PTPRG: variants seen among roughly 807,000 people sequenced by gnomAD.
The protein encoded by PTPRG is receptor-type tyrosine-protein phosphatase gamma.
PTPRG carries 102 observed loss-of-function variants against 165.3 expected under a neutral mutation model. The observed-to-expected ratio is 0.62, with a 90% CI of 0.53 to 0.73. PTPRG has a LOEUF of 0.73. Ranked by LOEUF, PTPRG falls within the 30% of genes least tolerant of loss-of-function variation. The pLI, the probability that PTPRG is intolerant of heterozygous loss-of-function variation, is 0.00. For missense variants in PTPRG, 1,866 were observed against 1,861.4 expected (o/e 1.00, Z -0.05); for synonymous variants, 675 against 669.5 (o/e 1.01, Z -0.13).
At position 62,052,709 on chromosome 3, in the gene PTPRG, G is replaced by T. The variant is rs533067746; in HGVS notation, c.520-25454G>T. On this transcript the variant is annotated intron_variant, in intron 4 of 29. Coordinates refer to ENST00000474889, the MANE Select transcript of PTPRG (RefSeq NM_002841.4). ...ACCTGTCTCTTAAAAAAAAAAGAAA[G>T]AAAAGAAATGGCCTGTCTTTGGAAC... is the stretch of plus-strand genomic sequence containing the variant. Among the ~76,000 whole-genome samples the T allele has an allele frequency of 1.1e-4, 16 of 151,776 alleles. No homozygotes were observed. The South Asian group carries it at 2.3e-3, about 22-fold the overall frequency.
intron 2 of PTPRG, among the ~76,000 whole-genome samples, chr3:61,777,792 A>G (rs1391139079): frequency 6.6e-6 from 1 of 152,198 alleles, no homozygotes; most frequent in Non-Finnish European, 1.5e-5. Context: ...GATAACGTGA[A>G]ACATGGCAGA....
chr3:62,224,138 A>C lies in PTPRG; in HGVS notation c.2288+5155A>C, dbSNP rs1054513230. Among the ~76,000 whole-genome samples the C allele has an allele frequency of 1.3e-5, 2 of 152,128 alleles. No homozygotes were observed. Among genetic ancestry groups the C allele is most frequent in the Non-Finnish European group, 2.9e-5 (2 of 68,022 alleles). ...GTCAATTCCAGAGGAGGACATCCCT[A>C]AATAACTGGGTTAAAGACATGACCC... On this transcript the variant is annotated intron_variant, in intron 13 of 29. Transcript: ENST00000474889. This position sits in a 1 kb window ranked among gnomAD's most constrained non-coding sequence, Gnocchi z 4.9.
intron 1 of PTPRG, 49 bp from the exon 2 acceptor site, chr3:61,748,829 T>C (rs186425453): frequency 6.8e-7 from 1 of 1,469,978 alleles, no homozygotes; most frequent in African/African-American, 1.4e-5. Context: ...CCTTCCTGTA[T>C]CCAGTGGGGT....
At chr3:61,683,948 T>C (rs1051360449) in intron 1 of PTPRG, among the ~76,000 whole-genome samples, 5 of 152,234 alleles carry the variant, frequency 3.3e-5, no homozygotes, top group African/African-American at 1.2e-4. Context: ...TGCTATATAT[T>C]GGTAACATTT....
At chr3:61,977,874 A>G (rs528941933) in intron 2 of PTPRG, among the ~76,000 whole-genome samples, 1 of 152,304 alleles carries the variant, frequency 6.6e-6, no homozygotes, top group Non-Finnish European at 1.5e-5. Flanking sequence ...AACATAATGC[A>G]TGTTGGGTTT....
At chr3:62,163,582 A>T (rs1704851264) in intron 7 of PTPRG, among the ~76,000 whole-genome samples, 1 of 152,224 alleles carries the variant, frequency 6.6e-6, no homozygotes, top group African/African-American at 2.4e-5. Flanking sequence ...CATAGGTTTG[A>T]TAAATATAAG....
chr3:61,903,466 C>T (rs1372935886), intron 2 of PTPRG, among the ~76,000 whole-genome samples: 2 of 152,164 alleles, frequency 1.3e-5, no homozygotes, highest in Admixed American at 6.5e-5. Context: ...CTCCGCCTCT[C>T]GGGTTCAGGT....
chr3:62,132,506 C>G (rs372255585), intron 5 of PTPRG, 96 bp from the exon 6 acceptor site: 1 of 977,048 alleles, frequency 1.0e-6, no homozygotes, highest in Non-Finnish European at 1.7e-6. Flanking sequence ...TGCTAGATAA[C>G]ATTCTATTCT....
intron 6 of PTPRG, among the ~76,000 whole-genome samples, chr3:62,136,681 T>C (rs1703720698): frequency 6.6e-6 from 1 of 152,184 alleles, no homozygotes; most frequent in South Asian, 2.1e-4. Flanking sequence ...GTTCTTGTGA[T>C]AGTGAATAAG....
chr3:61,599,793 T>TCA, intron 1 of PTPRG, among the ~76,000 whole-genome samples: 1 of 152,192 alleles, frequency 6.6e-6, no homozygotes, highest in East Asian at 1.9e-4. Context: ...CGCACCTGGC[T>TCA]GATCCTGCAT....
chr3:62,035,502 G>T (rs897579752), intron 4 of PTPRG, among the ~76,000 whole-genome samples: 1 of 152,068 alleles, frequency 6.6e-6, no homozygotes, highest in Non-Finnish European at 1.5e-5. Flanking sequence ...TTTGCTTTTG[G>T]TCCTGTCTTC....
intron 2 of PTPRG, among the ~76,000 whole-genome samples, chr3:61,842,684 CAAAAAA>C (rs199500194): frequency 9.8e-4 from 119 of 121,612 alleles, no homozygotes; most frequent in Middle Eastern, 3.9e-3. Context: ...GTATGTGTGG[CAAAAAA>C]AAAAAAAAAA....
At chr3:62,117,644 G>C (rs1200105705) in intron 5 of PTPRG, among the ~76,000 whole-genome samples, 1 of 152,112 alleles carries the variant, frequency 6.6e-6, no homozygotes, top group African/African-American at 2.4e-5. Context: ...AGAGGCACTG[G>C]GTTTCCTATT....
chr3:62,193,046 G>C (rs539525886), intron 9 of PTPRG, among the ~76,000 whole-genome samples: 1 of 152,062 alleles, frequency 6.6e-6, no homozygotes. Context: ...GATGAGCTTC[G>C]TGAAATCAAA....
chr3:61,942,156 TA>T (rs72243584), intron 2 of PTPRG, among the ~76,000 whole-genome samples: 36,873 of 128,438 alleles, frequency 0.29, 4,895 homozygotes, highest in East Asian at 0.53. Context: ...AGACTCTGTC[TA>T]AAAAAAAAAA....
At chr3:61,687,310 T>C (rs1703664676) in intron 1 of PTPRG, among the ~76,000 whole-genome samples, 1 of 152,210 alleles carries the variant, frequency 6.6e-6, no homozygotes, top group African/African-American at 2.4e-5. Context: ...TGGGTGCCCA[T>C]AGATTCAGAT....
At chr3:61,990,799 T>C (rs2040867062) in intron 3 of PTPRG, among the ~76,000 whole-genome samples, 2 of 152,084 alleles carry the variant, frequency 1.3e-5, no homozygotes, top group African/African-American at 4.8e-5. Flanking sequence ...CTGTTAGTAA[T>C]CCCTTTCAGG....
intron 2 of PTPRG, among the ~76,000 whole-genome samples, chr3:61,966,889 A>G (rs1306046727): frequency 2.6e-5 from 4 of 152,120 alleles, no homozygotes; most frequent in Admixed American, 2.6e-4. Context: ...CTTAGCTTGT[A>G]TGTTTATTAA....
chr3:61,741,483 A>T (rs757827052), intron 1 of PTPRG, among the ~76,000 whole-genome samples: 29 of 152,196 alleles, frequency 1.9e-4, no homozygotes, highest in Non-Finnish European at 3.5e-4. Context: ...CTATTCTCCC[A>T]GGCTTCTAAG....
Sources: allele counts gnomAD v4.1 joint callset (sites outside exome capture counted in the v4.1 genomes callset), GRCh38; gene constraint gnomAD v4.1.1; non-coding constraint Gnocchi (gnomAD v3.1); transcripts MANE v1.5; gene names NCBI Gene and HGNC (gene_info 2026-07-23, HGNC 2026-07-21).